SETBP1: variants seen among roughly 807,000 people sequenced by gnomAD.
SETBP1 encodes SET-binding protein.
SETBP1 carries 9 observed loss-of-function variants against 101.0 expected under a neutral mutation model. The ratio of observed to expected loss-of-function variants is 0.09; its 90% CI spans 0.05 to 0.16. SETBP1 has a LOEUF of 0.16. Among genes scored for constraint, SETBP1 ranks in the 10% least tolerant of loss-of-function variants. SETBP1 has a pLI of 1.00. For synonymous variants in SETBP1, 818 were observed against 788.5 expected, an observed-to-expected ratio of 1.04 and a Z score of -0.63; for missense variants, 1,858 against 2,033.8, an observed-to-expected ratio of 0.91 and a Z score of 1.66.
intron 2 of SETBP1, among the ~76,000 whole-genome samples, chr18:44,853,070 A>T (rs188334566): frequency 6.6e-6 from 1 of 152,332 alleles, no homozygotes; most frequent in Admixed American, 6.5e-5. Context: ...AAAGAGTTTG[A>T]AAGAGCACTG....
intron 4 of SETBP1, among the ~76,000 whole-genome samples, chr18:45,012,320 G>A (rs548888529): frequency 6.6e-6 from 1 of 152,266 alleles, no homozygotes; most frequent in East Asian, 1.9e-4. Flanking sequence ...GATGGAATCG[G>A]GGAGGCTGGG....
intron 5 of SETBP1, among the ~76,000 whole-genome samples, chr18:45,056,992 A>G (rs944165013): frequency 2.0e-5 from 3 of 152,242 alleles, no homozygotes; most frequent in Non-Finnish European, 2.9e-5. Flanking sequence ...CAAGCTAGTC[A>G]TGTTTTCAAA....
At chr18:44,826,445 T>C (rs978360301) in intron 2 of SETBP1, among the ~76,000 whole-genome samples, 1 of 151,976 alleles carries the variant, frequency 6.6e-6, no homozygotes, top group African/African-American at 2.4e-5. Context: ...CCCAAGGGGG[T>C]TCCAGGGCCC....
intron 2 of SETBP1, among the ~76,000 whole-genome samples, chr18:44,842,139 G>T (rs2072630469): frequency 6.6e-6 from 1 of 152,212 alleles, no homozygotes; most frequent in African/African-American, 2.4e-5. Context: ...AATGGGAAGA[G>T]AGTGTCCAGG....
intron 2 of SETBP1, among the ~76,000 whole-genome samples, chr18:44,728,595 G>A (rs1331609385): frequency 6.6e-6 from 1 of 152,190 alleles, no homozygotes; most frequent in Non-Finnish European, 1.5e-5. Context: ...AGACAAGCTT[G>A]AGTCAGATAG....
At chr18:44,778,247 A>G (rs930341666) in intron 2 of SETBP1, among the ~76,000 whole-genome samples, 1 of 152,158 alleles carries the variant, frequency 6.6e-6, no homozygotes, top group African/African-American at 2.4e-5. Flanking sequence ...TGGAGTAGAG[A>G]ACAGTCCCTC....
chr18:45,019,903 G>A (rs778773893), intron 4 of SETBP1, among the ~76,000 whole-genome samples: 6 of 152,010 alleles, frequency 3.9e-5, no homozygotes, highest in Non-Finnish European at 8.8e-5. Context: ...AGTGGCCATG[G>A]GAAAGGAAAG....
intron 4 of SETBP1, among the ~76,000 whole-genome samples, chr18:44,994,392 G>T (rs1484566033): frequency 1.3e-5 from 2 of 152,160 alleles, no homozygotes; most frequent in Admixed American, 6.5e-5. Context: ...AAGGATTAAA[G>T]AATTATGGGA....
intron 5 of SETBP1, among the ~76,000 whole-genome samples, chr18:45,043,635 T>G (rs1279446580): frequency 6.6e-6 from 1 of 152,160 alleles, no homozygotes; most frequent in African/African-American, 2.4e-5. Context: ...CATGAATAAG[T>G]AAAAATATTT....
chr18:44,753,088 T>C (rs530213171), intron 2 of SETBP1, among the ~76,000 whole-genome samples: 1 of 152,328 alleles, frequency 6.6e-6, no homozygotes, highest in South Asian at 2.1e-4. Flanking sequence ...TGCTATATTC[T>C]CTCTACTGTT....
intron 2 of SETBP1, among the ~76,000 whole-genome samples, chr18:44,770,770 T>C (rs2070855033): frequency 6.6e-6 from 1 of 152,052 alleles, no homozygotes; most frequent in Non-Finnish European, 1.5e-5. Context: ...CATTATGCAC[T>C]AGAATGTAGA....
intron 3 of SETBP1, among the ~76,000 whole-genome samples, chr18:44,904,614 C>A (rs2070129885): frequency 6.6e-6 from 1 of 152,252 alleles, no homozygotes; most frequent in Non-Finnish European, 1.5e-5. Context: ...ATGAATCTGA[C>A]TTGATAACAG....
At chr18:45,013,436 T>TTCTTTCTTTCTTTCTTTCTTTC (rs1329199586) in intron 4 of SETBP1, among the ~76,000 whole-genome samples, 1 of 151,386 alleles carries the variant, frequency 6.6e-6, no homozygotes, top group African/African-American at 2.4e-5. Context: ...CTTTCTTTCT[T>TTCTTTCTTTCTTTCTTTCTTTC]TTTTTTTGTT....
chr18:44,789,107 C>T (rs1700940326), intron 2 of SETBP1, among the ~76,000 whole-genome samples: 1 of 152,190 alleles, frequency 6.6e-6, no homozygotes, highest in South Asian at 2.1e-4. Context: ...CCGGCTTCCT[C>T]CTGTTTTAAA....
At chr18:44,719,059 A>G (rs748920941) in intron 2 of SETBP1, among the ~76,000 whole-genome samples, 8 of 152,146 alleles carry the variant, frequency 5.3e-5, no homozygotes, top group Non-Finnish European at 1.0e-4. Context: ...TGGTACTGAT[A>G]TATTTAATCT....
chr18:44,773,816 CTCTCTCTG>C (rs748500218), intron 2 of SETBP1, among the ~76,000 whole-genome samples: 5 of 136,354 alleles, frequency 3.7e-5, no homozygotes, highest in African/African-American at 5.6e-5. Flanking sequence ...CTCTCTCTCT[CTCTCTCTG>C]TCTCTCTCTG....
intron 4 of SETBP1, among the ~76,000 whole-genome samples, chr18:44,982,423 T>C (rs1175775101): frequency 6.6e-6 from 1 of 152,266 alleles, no homozygotes; most frequent in Admixed American, 6.5e-5. Context: ...TTATATCATT[T>C]AGGGTATTCC....
chr18:45,066,406 C>T lies in SETBP1; in HGVS notation c.*2708C>T, dbSNP rs2073966299. Reference sequence around the variant, plus strand: ...AGTTCAGTCACCTACTCAGCTTCCTCTCTCCACCACCCAGTTCCTCCCTCA... The same window carrying T: ...AGTTCAGTCACCTACTCAGCTTCCTTTCTCCACCACCCAGTTCCTCCCTCA... On this transcript the variant is annotated 3_prime_UTR_variant, in exon 6 of 6. Transcript: ENST00000649279. 1 of 152,230 alleles carries T rather than the reference C, an allele frequency of 6.6e-6. No individual in the cohort carries two copies. The highest frequency in any genetic ancestry group is 1.5e-5 in the Non-Finnish European group (1 of 68,056). 9.4% of individuals were successfully genotyped at this position (152,230 alleles called of 1,614,324 possible).
In SETBP1 at chr18:44,888,004, A is replaced by G. The variant is rs569300098; in HGVS notation, c.540+18721A>G. 7.8e-4 allele frequency among the ~76,000 whole-genome samples: 119 copies of G among 152,230 alleles called. 3 individuals are homozygous for G. The South Asian group carries it at 8.5e-3, about 11-fold the overall frequency. ...AGCCAAGCTAAAAAATATCTGGACA[A>G]CCAAGAAAATCATTTTCTGGGATCA... On this transcript the variant is annotated intron_variant, in intron 3 of 5. Coordinates refer to ENST00000649279, the MANE Select transcript of SETBP1 (RefSeq NM_015559.3).
Sources: allele counts gnomAD v4.1 joint callset (sites outside exome capture counted in the v4.1 genomes callset), GRCh38; gene constraint gnomAD v4.1.1; transcripts MANE v1.5; gene names NCBI Gene and HGNC (gene_info 2026-07-23, HGNC 2026-07-21).